The following DHX8 variants were observed in gnomAD, a reference collection of about 807,000 sequenced individuals.
The protein encoded by DHX8 is DEAH-box helicase 8.
In DHX8, 67 loss-of-function variants were observed where a neutral mutation model predicts 140.7. That is an observed-to-expected ratio of 0.48 (90% CI 0.39 to 0.58). The LOEUF (loss-of-function observed/expected upper bound fraction) is 0.58. Among genes scored for constraint, DHX8 ranks in the 20% least tolerant of loss-of-function variants. The probability of loss-of-function intolerance (pLI) is 0.00; values close to 1 mark genes in which losing one functional copy is unlikely to be tolerated. For synonymous variants in DHX8, 533 were observed against 553.2 expected (o/e 0.96, Z 0.51); for missense variants, 887 against 1,550.7 (o/e 0.57, Z 7.19).
chr17:43,522,134 G>A lies in DHX8; in HGVS notation c.3351G>A (p.Lys1117=). The change falls in exon 22 of 23, where the codon AAG becomes AAA. Residue 1117 remains lysine, a synonymous_variant. Coordinates refer to ENST00000262415, the MANE Select transcript of DHX8 (RefSeq NM_004941.3). ...ICSGFFRNAA[K]KDPQEGYRTL... Reference sequence around the variant, plus strand: ...GTGGGTTCTTCCGTAATGCTGCCAAGAAAGACCCGCAGGAGGGTTACCGGA... The same window carrying A: ...GTGGGTTCTTCCGTAATGCTGCCAAAAAAGACCCGCAGGAGGGTTACCGGA... 2 of 1,614,136 alleles carry A rather than the reference G, an allele frequency of 1.2e-6. No individual in the cohort carries two copies. Among genetic ancestry groups the A allele is most frequent in the Non-Finnish European group, 1.7e-6 (2 of 1,180,022 alleles).
chr17:43,529,918 T>C (rs1386698866), downstream of DHX8: 14 of 1,614,062 alleles, frequency 8.7e-6, no homozygotes, highest in East Asian at 8.9e-5. Flanking sequence ...AGACATCATC[T>C]GGGAATGGTC....
chr17:43,490,408 CTT>C lies in DHX8; in HGVS notation c.253_254del (p.Leu85AlafsTer16). ...TTTCAAAGGATTCTCTTATTAGTAA[CTT>C]GCTGCGTCTCATACAAACCATGCGG... ...AEFTDSLISNLLRLIQTMRPP... is the reference protein window; with the variant it reads ...AEFTDSLISNXLRLIQTMRPP... On this transcript the variant is annotated frameshift_variant, in exon 3 of 23. Transcript: ENST00000262415. LOFTEE classifies it high-confidence loss of function. 6.2e-7 allele frequency: 1 copy of C among 1,613,558 alleles called. No homozygotes were observed. The highest frequency in any genetic ancestry group is 1.1e-5 in the South Asian group (1 of 90,942).
chr17:43,529,682 GAAC>G (rs1647321908), downstream of DHX8: 3 of 1,604,604 alleles, frequency 1.9e-6, no homozygotes, highest in Admixed American at 1.7e-5. Context: ...GTCTCCTGGG[GAAC>G]ACGAAAATAG....
intron 3 of DHX8, among the ~76,000 whole-genome samples, chr17:43,540,966 A>G (rs988442157): frequency 6.6e-6 from 1 of 152,084 alleles, no homozygotes; most frequent in Non-Finnish European, 1.5e-5. Context: ...GGCTGGGGGT[A>G]TCTCTTGCTG....
downstream of DHX8, chr17:43,527,934 G>T (rs1140492): frequency 1.3e-5 from 3 of 233,286 alleles, no homozygotes; most frequent in African/African-American, 6.6e-5. Context: ...AAGGGCAGAA[G>T]AAAGGCAAAG....
Position 43,513,391 on chromosome 17 carries a change from A to T in DHX8, c.2532A>T (p.Thr844=). ...KVVIATNIAE[T]SLTIDGIYYV... ...TGATTGCCACCAATATCGCAGAGAC[A>T]TCGCTGACTATTGATGGTATCTACT... is the stretch of plus-strand genomic sequence containing the variant. Residue 844 remains threonine, a synonymous_variant, in exon 17 of 23, where the codon ACA becomes ACT. Transcript: ENST00000262415. 2.5e-6 allele frequency: 4 copies of T among 1,613,710 alleles called. No individual in the cohort carries two copies. Among genetic ancestry groups the T allele is most frequent in the Non-Finnish European group, 3.4e-6 (4 of 1,179,838 alleles).
chr17:43,510,287 A>C (rs1681273315), intron 16 of DHX8, among the ~76,000 whole-genome samples: 2 of 152,088 alleles, frequency 1.3e-5, no homozygotes, highest in Non-Finnish European at 2.9e-5. Context: ...ACCTCAGATG[A>C]TCTGCCCCCC....
At chr17:43,486,973 A>G (rs764608590) in intron 1 of DHX8, among the ~76,000 whole-genome samples, 7 of 151,954 alleles carry the variant, frequency 4.6e-5, no homozygotes, top group Admixed American at 1.3e-4. Flanking sequence ...GCCTAGCACC[A>G]TGGGACTTAG....
In DHX8 at chr17:43,489,498, T is replaced by C. The variant is rs1567673858; in HGVS notation, c.198T>C (p.Phe66=). 3 of 1,613,386 alleles carry C rather than the reference T, an allele frequency of 1.9e-6. No homozygotes were observed. The highest frequency in any genetic ancestry group is 1.7e-5 in the Admixed American group (1 of 60,004). Residue 66 remains phenylalanine (F), a synonymous_variant, in exon 2 of 23, where the codon TTT becomes TTC. Coordinates refer to ENST00000262415, the MANE Select transcript of DHX8 (RefSeq NM_004941.3). ...AGAAAAATACCACCTTTGATACTTT[T>C]AAGGCTTCTCTCGTCAAAAATGGTG... is the stretch of plus-strand genomic sequence containing the variant. ...LAEKNTTFDT[F]KASLVKNGAE...
intron 17 of DHX8, among the ~76,000 whole-genome samples, chr17:43,516,692 G>A (rs1970130521): frequency 6.6e-6 from 1 of 152,066 alleles, no homozygotes; most frequent in African/African-American, 2.4e-5. Flanking sequence ...CATGCAATCT[G>A]CCCACCTTGG....
chr17:43,529,474 A>C, downstream of DHX8: 3 of 1,581,446 alleles, frequency 1.9e-6, 1 homozygote, highest in South Asian at 2.3e-5. Context: ...AACTTTGGAA[A>C]GGAGGGCTGG....
rs140914719 is a variant in DHX8, at chr17:43,534,834, G to C, written c.351-1578G>C. Among the ~76,000 whole-genome samples the C allele has an allele frequency of 4.5e-3, 676 of 151,846 alleles. 14 individuals are homozygous for C. The highest frequency in any genetic ancestry group is 0.033 in the Admixed American group (500 of 15,256). ...CACATCCCTTTAATCCCAGCTACTC[G>C]GGAGGCTGAGGCAGGAGAATTGCTT... is the stretch of plus-strand genomic sequence containing the variant. On this transcript the variant is annotated intron_variant, in intron 2 of 3. Transcript: ENST00000589898.
At chr17:43,543,911 C>T (rs921761053) in intron 3 of DHX8, 3 of 152,090 alleles carry the variant, frequency 2.0e-5, no homozygotes, top group African/African-American at 7.2e-5. Context: ...AGTCAGGGGT[C>T]ATTTTCTTTT....
At position 43,489,451 on chromosome 17, in the gene DHX8, G is replaced by C; in HGVS notation, c.151G>C (p.Glu51Gln). 1.9e-6 allele frequency: 3 copies of C among 1,600,962 alleles called. No individual in the cohort carries two copies. The highest frequency in any genetic ancestry group is 2.6e-6 in the Non-Finnish European group (3 of 1,173,828). Residue 51 changes from glutamate to glutamine, a missense_variant and splice_region_variant, in exon 2 of 23, where the codon GAA becomes CAA. Coordinates refer to ENST00000262415, the MANE Select transcript of DHX8 (RefSeq NM_004941.3). ...HLGINDKDLAEFVISLAEKNT... is the reference protein window; with the variant it reads ...HLGINDKDLAQFVISLAEKNT... ...TGAATTCTGTTTCTTATTTGCAGCT[G>C]AATTTGTGATCAGTCTTGCTGAGAA...
At position 43,524,447 on chromosome 17, in the gene DHX8, G is replaced by A; in HGVS notation, c.*600G>A. ...GAATCCCCTGAATCCCCTGAAACCA[G>A]AACGCAGGGCCTCTTTGCGCTCGGA... On this transcript the variant is annotated 3_prime_UTR_variant, in exon 23 of 23. Transcript: ENST00000262415. The A allele has an allele frequency of 2.0e-6, 2 of 987,988 alleles. No individual in the cohort carries two copies. Among genetic ancestry groups the A allele is most frequent in the Non-Finnish European group, 2.4e-6 (2 of 831,726 alleles). 61.2% of individuals were successfully genotyped at this position (987,988 alleles called of 1,614,324 possible).
At chr17:43,521,597 G>A in intron 21 of DHX8, 32 bp downstream of exon 21, 3 of 1,587,832 alleles carry the variant, frequency 1.9e-6, no homozygotes, top group Non-Finnish European at 2.6e-6. Context: ...CTGCATGTTT[G>A]AGTTGAACCA....
intron 17 of DHX8, 22 bp from the exon 18 acceptor site, chr17:43,517,144 CT>C (rs759591268): frequency 4.3e-5 from 68 of 1,599,148 alleles, no homozygotes; most frequent in Non-Finnish European, 5.4e-5. Context: ...AGATATGTTG[CT>C]TTTATATGCC....
exon 3 of DHX8, chr17:43,536,479 G>A (rs1376715432): frequency 1.4e-5 from 23 of 1,614,090 alleles, no homozygotes; most frequent in African/African-American, 2.7e-5. Context: ...TGGTACCTGA[G>A]CTGCAGAGAG....
chr17:43,518,615 C>T (rs1970229086), intron 18 of DHX8: 1 of 152,138 alleles, frequency 6.6e-6, no homozygotes, highest in Admixed American at 6.5e-5. Context: ...ACAACATTTA[C>T]TATTGTAAGC....
Sources: allele counts gnomAD v4.1 joint callset (sites outside exome capture counted in the v4.1 genomes callset), GRCh38; gene constraint gnomAD v4.1.1; transcripts MANE v1.5; gene names NCBI Gene and HGNC (gene_info 2026-07-23, HGNC 2026-07-21).